Variants in SLC25A37 observed in about 807,000 individuals in gnomAD.
SLC25A37 encodes solute carrier family 25 member 37.
In SLC25A37, 17 loss-of-function variants were observed where a neutral mutation model predicts 31.0. The ratio of observed to expected loss-of-function variants is 0.55; its 90% CI spans 0.38 to 0.82. The LOEUF (loss-of-function observed/expected upper bound fraction) is 0.82, where lower values mean the gene tolerates loss of function less well. SLC25A37 is among the 40% of genes least tolerant of loss of function. The probability of loss-of-function intolerance (pLI) is 0.00; values close to 1 mark genes in which losing one functional copy is unlikely to be tolerated. For missense variants in SLC25A37, 404 were observed against 465.8 expected (o/e 0.87, Z 1.22); for synonymous variants, 222 against 193.0 (o/e 1.15, Z -1.24).
At chr8:23,535,647 G>A (rs988766467) in intron 1 of SLC25A37, among the ~76,000 whole-genome samples, 1 of 152,190 alleles carries the variant, frequency 6.6e-6, no homozygotes, top group Non-Finnish European at 1.5e-5. Flanking sequence ...TCAAGCTGCT[G>A]ATAAAGACAT....
In SLC25A37 at chr8:23,573,927, C is replaced by G. The variant is rs1229165020; in HGVS notation, c.*2072C>G. Reference sequence around the variant, plus strand: ...AAATGTTTACATCTCCGCTCTCAACCTGCCTTGGGTTCGTGTTAAATGGTG... The same window carrying G: ...AAATGTTTACATCTCCGCTCTCAACGTGCCTTGGGTTCGTGTTAAATGGTG... On this transcript the variant is annotated 3_prime_UTR_variant, in exon 4 of 4. Transcript: ENST00000519973. The G allele has an allele frequency of 4.5e-6, 2 of 445,330 alleles. No homozygotes were observed. The highest frequency in any genetic ancestry group is 3.1e-5 in the South Asian group (2 of 64,166). 27.6% of individuals were successfully genotyped at this position (445,330 alleles called of 1,614,324 possible).
intron 1 of SLC25A37, among the ~76,000 whole-genome samples, chr8:23,538,393 A>C (rs1176731106): frequency 2.1e-5 from 3 of 144,000 alleles, no homozygotes; most frequent in East Asian, 4.5e-4. Context: ...AAAAAAAAAA[A>C]AAAAAAAAAA....
In SLC25A37 at chr8:23,539,382, G is replaced by T. The variant is rs1045067377; in HGVS notation, c.210+10170G>T. The stretch of plus-strand genomic sequence containing the variant: ...TGAGTTCTGGCTGGCCACGTGGTCT[G>T]TGATGGCTGTCACTGGTGAAAGAGA... On this transcript the variant is annotated intron_variant, in intron 1 of 3. Transcript: ENST00000519973. 1.2e-4 allele frequency among the ~76,000 whole-genome samples: 18 copies of T among 152,178 alleles called. 1 individual carries two copies. The highest frequency in any genetic ancestry group is 4.3e-4 in the African/African-American group (18 of 41,442).
In SLC25A37 at chr8:23,573,675, C is replaced by T. The variant is rs1334725726; in HGVS notation, c.*1820C>T. Reference sequence around the variant, plus strand: ...AATAGCGATGAAGAATTTTATCAGTCAGTGGAGTTCCTTTTTCAGATCAGG... The same window carrying T: ...AATAGCGATGAAGAATTTTATCAGTTAGTGGAGTTCCTTTTTCAGATCAGG... On this transcript the variant is annotated 3_prime_UTR_variant, in exon 4 of 4. Transcript: ENST00000519973. The T allele has an allele frequency of 2.4e-6, 1 of 413,342 alleles. No individual in the cohort carries two copies. The highest frequency in any genetic ancestry group is 5.0e-6 in the Non-Finnish European group (1 of 199,482). 25.6% of individuals were successfully genotyped at this position (413,342 alleles called of 1,614,324 possible).
chr8:23,555,856 T>G (rs1802350494), intron 1 of SLC25A37, among the ~76,000 whole-genome samples: 2 of 152,240 alleles, frequency 1.3e-5, no homozygotes, highest in African/African-American at 4.8e-5. Context: ...CAGGGTGACC[T>G]GAACGCTGAA....
intron 1 of SLC25A37, among the ~76,000 whole-genome samples, chr8:23,549,674 GCTTAGAGCTGTGA>G (rs982230171): frequency 2.2e-4 from 33 of 152,186 alleles, no homozygotes; most frequent in Non-Finnish European, 3.8e-4. Context: ...TCGAGCTGTG[GCTTAGAGCTGTGA>G]CTTGGCACCA....
intron 1 of SLC25A37, among the ~76,000 whole-genome samples, chr8:23,547,863 A>G (rs1802109666): frequency 6.6e-6 from 1 of 152,238 alleles, no homozygotes; most frequent in Admixed American, 6.5e-5. Context: ...CCTGGAATCA[A>G]GGGAAGAAGT....
rs1054903176 is a variant in SLC25A37 at position 23,531,066 on chromosome 8, C to T, written c.210+1854C>T. Among the ~76,000 whole-genome samples, 39 of 152,266 alleles carry T rather than the reference C, an allele frequency of 2.6e-4. No individual in the cohort carries two copies. The South Asian group carries it at 4.8e-3, about 19-fold the overall frequency. On this transcript the variant is annotated intron_variant, in intron 1 of 3. Transcript: ENST00000519973. ...GGTAGAAGGAGCCGGTCTGGTTTTC[C>T]TAGACAAGTCTGTAAAACAAGGCGT...
At chr8:23,542,048 C>T (rs1421956037) in intron 1 of SLC25A37, among the ~76,000 whole-genome samples, 1 of 152,240 alleles carries the variant, frequency 6.6e-6, no homozygotes. Flanking sequence ...AATGTAGCTT[C>T]ATCCCCTGCC....
chr8:23,561,495 C>A (rs543004466), intron 1 of SLC25A37, among the ~76,000 whole-genome samples: 37 of 152,354 alleles, frequency 2.4e-4, no homozygotes, highest in African/African-American at 8.7e-4. Context: ...TGTTTCCCAG[C>A]AGCTCTCTGG....
At chr8:23,536,564 G>A (rs1287663332) in intron 1 of SLC25A37, among the ~76,000 whole-genome samples, 1 of 152,134 alleles carries the variant, frequency 6.6e-6, no homozygotes, top group African/African-American at 2.4e-5. Context: ...ACATGCCTCA[G>A]TTTCCTCCTG....
chr8:23,566,322 G>A lies in SLC25A37; in HGVS notation c.425G>A (p.Ser142Asn). 1 of 1,592,746 alleles carries A rather than the reference G, an allele frequency of 6.3e-7. No homozygotes were observed. The highest frequency in any genetic ancestry group is 8.5e-7 in the Non-Finnish European group (1 of 1,172,838). The change falls in exon 2 of 4, where the codon AGC becomes AAC. Residue 142 changes from serine (S) to asparagine (N), a missense_variant. By Grantham distance (46) the Ser-to-Asn change is conservative. Coordinates refer to ENST00000519973, the MANE Select transcript of SLC25A37 (RefSeq NM_016612.4). ...LNDVFHHQGN[S>N]HLANGIAGSM... ...GACGTTTTCCACCACCAAGGAAACA[G>A]CCACCTAGCCAACGGTATTTTGAAA... is the stretch of plus-strand genomic sequence containing the variant.
In SLC25A37 at chr8:23,571,959, T is replaced by A; in HGVS notation, c.*104T>A. 7.7e-7 allele frequency: 1 copy of A among 1,293,676 alleles called. No homozygotes were observed. Among genetic ancestry groups the A allele is most frequent in the Non-Finnish European group, 1.1e-6 (1 of 938,580 alleles). The allele number at this position is 1,293,676 out of a possible 1,614,324, so 80.1% of individuals were successfully genotyped here. The stretch of plus-strand genomic sequence containing the variant: ...CATTTTTTTTTTGCAGGGTGCTGCC[T>A]ATGGGCCCTCTGCTCCCCAATGCCT... On this transcript the variant is annotated 3_prime_UTR_variant, in exon 4 of 4. Transcript: ENST00000519973.
chr8:23,533,351 G>A (rs1341924380), intron 1 of SLC25A37, among the ~76,000 whole-genome samples: 1 of 152,184 alleles, frequency 6.6e-6, no homozygotes, highest in Non-Finnish European at 1.5e-5. Context: ...TGAATGGGAG[G>A]ATTTAATCAG....
chr8:23,530,183 TG>T (rs780964765), intron 1 of SLC25A37, among the ~76,000 whole-genome samples: 7 of 152,150 alleles, frequency 4.6e-5, no homozygotes, highest in Non-Finnish European at 7.4e-5. Context: ...GCAACAGCCC[TG>T]GGGGTTAACA....
At chr8:23,552,670 C>A (rs1022797477) in intron 1 of SLC25A37, among the ~76,000 whole-genome samples, 2 of 152,158 alleles carry the variant, frequency 1.3e-5, no homozygotes, top group African/African-American at 4.8e-5. Flanking sequence ...CCAGAACGTA[C>A]GTTACTTATG....
intron 2 of SLC25A37, chr8:23,566,714 TCA>T: frequency 1.0e-6 from 1 of 985,118 alleles, no homozygotes; most frequent in Non-Finnish European, 1.2e-6. Flanking sequence ...AATGCTGGAT[TCA>T]AAAAAAAAAA....
chr8:23,553,051 G>A (rs914998439), intron 1 of SLC25A37, among the ~76,000 whole-genome samples: 1 of 151,456 alleles, frequency 6.6e-6, no homozygotes, highest in Non-Finnish European at 1.5e-5. Flanking sequence ...ACGGTGCTTT[G>A]ATGTGGACTC....
At chr8:23,548,496 T>TA (rs1274885268) in intron 1 of SLC25A37, among the ~76,000 whole-genome samples, 3 of 148,270 alleles carry the variant, frequency 2.0e-5, no homozygotes, top group East Asian at 4.0e-4. Context: ...TTTTTTTTTT[T>TA]AGACTTGTTG....
Sources: gnomAD v4.1 joint callset for allele counts (sites outside exome capture counted in the v4.1 genomes callset) on GRCh38, gnomAD v4.1.1 for gene constraint, MANE v1.5 for transcripts, NCBI Gene and HGNC (gene_info 2026-07-23, HGNC 2026-07-21) for gene names.